PGPEP1: variants seen among roughly 807,000 people sequenced by gnomAD.
The protein encoded by PGPEP1 is pyroglutamyl-peptidase I, also known as pyroglutamyl-peptidase 1.
Under a neutral mutation model 24.1 loss-of-function variants are expected in PGPEP1, and 15 were observed. The ratio of observed to expected loss-of-function variants is 0.62; its 90% CI spans 0.42 to 0.96. The LOEUF is 0.96. PGPEP1 is among the 40% of genes least tolerant of loss of function. The pLI is 0.00. For missense variants in PGPEP1, 242 were observed against 273.4 expected (o/e 0.89, Z 0.81); for synonymous variants, 122 against 116.4 (o/e 1.05, Z -0.31).
chr19:18,363,029 T>TTTTGTGTGTGTGTG lies in PGPEP1; in HGVS notation c.438-361_438-360insTTGTGTGTGTGTGT, dbSNP rs755622717. On this transcript the variant is annotated intron_variant, in intron 4 of 4. Coordinates refer to ENST00000269919, the MANE Select transcript of PGPEP1 (RefSeq NM_017712.4). Reference sequence around the variant, plus strand: ...AGCACTGGGAGTTATCAAGTTTTTTTTGTTTGTGTGTGTGTGTGTGTGTGT... The same window carrying TTTTGTGTGTGTGTG: ...AGCACTGGGAGTTATCAAGTTTTTTTTTTGTGTGTGTGTGTGTTTGTGTGTGTGTGTGTGTGTGT... Among the ~76,000 whole-genome samples the TTTTGTGTGTGTGTG allele has an allele frequency of 3.4e-4, 20 of 59,470 alleles. No individual in the cohort carries two copies. In the East Asian group the frequency reaches 4.0e-3, roughly 12 times the overall value. The allele number at this position is 59,470 out of a possible 152,430, so 39.0% of individuals were successfully genotyped here. A position where few individuals can be genotyped will look rare whatever the true frequency, so the allele number is the denominator to read the frequency against.
chr19:18,353,358 A>G (rs1426729429), intron 2 of PGPEP1, among the ~76,000 whole-genome samples: 3 of 152,064 alleles, frequency 2.0e-5, no homozygotes, highest in Non-Finnish European at 2.9e-5. Context: ...ATTAGCTGAG[A>G]CTGCAGGCAT....
intron 4 of PGPEP1, 178 bp downstream of exon 4, chr19:18,357,793 A>G (rs1174489539): frequency 5.0e-6 from 3 of 602,878 alleles, no homozygotes; most frequent in Non-Finnish European, 9.0e-6. Context: ...CCTGGGACTC[A>G]TGGATCTGCC....
At chr19:18,356,788 G>A (rs569976197) in intron 3 of PGPEP1, among the ~76,000 whole-genome samples, 18 of 150,464 alleles carry the variant, frequency 1.2e-4, no homozygotes, top group Admixed American at 2.0e-4. Context: ...CCTGTAATCT[G>A]AGCACTTTGG....
intron 4 of PGPEP1, among the ~76,000 whole-genome samples, chr19:18,359,696 C>T (rs1177143608): frequency 1.3e-5 from 2 of 151,886 alleles, no homozygotes; most frequent in African/African-American, 4.8e-5. Flanking sequence ...TTAGTAGAGG[C>T]GGGGTTTTGC....
chr19:18,344,773 G>A (rs1970785568), intron 2 of PGPEP1, among the ~76,000 whole-genome samples: 1 of 152,158 alleles, frequency 6.6e-6, no homozygotes, highest in Non-Finnish European at 1.5e-5. Context: ...TCAGACAGGA[G>A]CCTTCACGGG....
At chr19:18,361,128 A>G (rs1971337957) in intron 4 of PGPEP1, among the ~76,000 whole-genome samples, 1 of 150,690 alleles carries the variant, frequency 6.6e-6, no homozygotes, top group Non-Finnish European at 1.5e-5. Flanking sequence ...CTCCGCACCC[A>G]GCTCAATTTT....
At chr19:18,349,209 TCTCAC>T in intron 2 of PGPEP1, 7 of 617,766 alleles carry the variant, frequency 1.1e-5, no homozygotes, top group Non-Finnish European at 1.4e-5. Flanking sequence ...TGAGACAGAA[TCTCAC>T]TCTGTCATCC....
intron 2 of PGPEP1, among the ~76,000 whole-genome samples, chr19:18,345,148 C>T (rs898621662): frequency 9.2e-5 from 14 of 151,932 alleles, no homozygotes; most frequent in Admixed American, 3.3e-4. Context: ...ATTACAGCTG[C>T]GCACCACCAG....
chr19:18,363,186 G>C (rs933262595), intron 4 of PGPEP1, among the ~76,000 whole-genome samples: 1 of 151,960 alleles, frequency 6.6e-6, no homozygotes, highest in Non-Finnish European at 1.5e-5. Context: ...CTCCTGAGTA[G>C]CTGGGACTAC....
intron 2 of PGPEP1, among the ~76,000 whole-genome samples, chr19:18,350,117 T>G (rs1211160287): frequency 2.6e-5 from 4 of 152,096 alleles, no homozygotes; most frequent in African/African-American, 9.7e-5. Flanking sequence ...ACCTCCCAAG[T>G]TCAAGCGATT....
chr19:18,362,832 CTG>C (rs1349359587), intron 4 of PGPEP1, among the ~76,000 whole-genome samples: 1 of 150,992 alleles, frequency 6.6e-6, no homozygotes, highest in Non-Finnish European at 1.5e-5. Context: ...GCACTCCAAA[CTG>C]GGTGACAGAG....
At chr19:18,345,591 G>A (rs1369263781) in intron 2 of PGPEP1, among the ~76,000 whole-genome samples, 1 of 151,306 alleles carries the variant, frequency 6.6e-6, no homozygotes, top group African/African-American at 2.4e-5. Flanking sequence ...CGGGAGTGGT[G>A]GCGCATGCCT....
At chr19:18,354,523 G>T (rs990130633) in intron 2 of PGPEP1, among the ~76,000 whole-genome samples, 10 of 151,908 alleles carry the variant, frequency 6.6e-5, no homozygotes, top group African/African-American at 2.4e-4. Context: ...ATAAATAAAA[G>T]ACTCTGTTGC....
intron 4 of PGPEP1, 120 bp from the exon 5 acceptor site, chr19:18,363,271 C>T: frequency 2.8e-6 from 2 of 722,072 alleles, no homozygotes; most frequent in Non-Finnish European, 2.3e-6. Flanking sequence ...GTTGTTCCAT[C>T]TTGTGGGTTG....
intron 2 of PGPEP1, among the ~76,000 whole-genome samples, chr19:18,354,086 T>C (rs983082153): frequency 6.6e-6 from 1 of 151,894 alleles, no homozygotes; most frequent in Non-Finnish European, 1.5e-5. Flanking sequence ...AATACAAAAA[T>C]TAGCTGGGCG....
At chr19:18,354,369 C>T (rs1971120272) in intron 2 of PGPEP1, among the ~76,000 whole-genome samples, 1 of 150,092 alleles carries the variant, frequency 6.7e-6, no homozygotes, top group Non-Finnish European at 1.5e-5. Flanking sequence ...GCGGTGGGTG[C>T]CTGTAGTCCC....
At chr19:18,345,638 T>C (rs1194951319) in intron 2 of PGPEP1, among the ~76,000 whole-genome samples, 1 of 142,608 alleles carries the variant, frequency 7.0e-6, no homozygotes, top group Non-Finnish European at 1.5e-5. Flanking sequence ...TATGGGAGGA[T>C]CACCTAAGCC....
chr19:18,361,778 C>T (rs1449352763), intron 4 of PGPEP1: 2 of 985,176 alleles, frequency 2.0e-6, no homozygotes, highest in East Asian at 1.1e-4. Context: ...TGGCCTGCTG[C>T]TTTATGATTT....
intron 4 of PGPEP1, 22 bp from the exon 5 acceptor site, chr19:18,363,369 C>T (rs1204276255): frequency 6.3e-7 from 1 of 1,591,454 alleles, no homozygotes; most frequent in Non-Finnish European, 8.6e-7. Context: ...CTCTCTCTTA[C>T]CCGCCACGCC....
Sources: gnomAD v4.1 joint callset for allele counts (sites outside exome capture counted in the v4.1 genomes callset) on GRCh38, gnomAD v4.1.1 for gene constraint, MANE v1.5 for transcripts, NCBI Gene and HGNC (gene_info 2026-07-23, HGNC 2026-07-21) for gene names.